Variants in FREM1 observed in about 807,000 individuals in gnomAD.
FREM1 encodes the protein FRAS1-related extracellular matrix protein 1.
FREM1 carries 220 observed loss-of-function variants against 210.1 expected under a neutral mutation model. The observed-to-expected ratio is 1.05, with a 90% CI of 0.94 to 1.17. The LOEUF (loss-of-function observed/expected upper bound fraction) is 1.17, where lower values mean the gene tolerates loss of function less well. Among genes scored for constraint, FREM1 ranks in the 50% most tolerant of loss-of-function variants. The pLI, the probability that FREM1 is intolerant of heterozygous loss-of-function variation, is 0.00. For synonymous variants in FREM1, 1,189 were observed against 980.2 expected, an observed-to-expected ratio of 1.21 and a Z score of -3.98; for missense variants, 3,454 against 2,675.5, an observed-to-expected ratio of 1.29 and a Z score of -6.42.
chr9:14,892,328 G>C (rs4741441), intron 1 of FREM1, among the ~76,000 whole-genome samples: 18,932 of 152,054 alleles, frequency 0.12, 1,488 homozygotes, highest in East Asian at 0.44. Context: ...CTTTGGGTAG[G>C]TGGGGTGCAT....
At chr9:14,738,411 A>G (rs1840801285) in intron 36 of FREM1, among the ~76,000 whole-genome samples, 1 of 152,190 alleles carries the variant, frequency 6.6e-6, no homozygotes, top group African/African-American at 2.4e-5. Flanking sequence ...GGTGGAATGA[A>G]ATGAAATACT....
At chr9:14,882,870 G>A (rs961121458) in intron 1 of FREM1, among the ~76,000 whole-genome samples, 3 of 117,638 alleles carry the variant, frequency 2.6e-5, no homozygotes, top group Admixed American at 1.2e-4. Flanking sequence ...CTGAGATCAT[G>A]CCACTGCACT....
chr9:14,905,894 T>G (rs1337251478), intron 1 of FREM1, among the ~76,000 whole-genome samples: 1 of 118,828 alleles, frequency 8.4e-6, no homozygotes, highest in Non-Finnish European at 2.1e-5. Context: ...CTGTCTCAAA[T>G]TTAAAAAAAG....
chr9:14,780,930 T>G (rs1849560034), intron 24 of FREM1, among the ~76,000 whole-genome samples: 1 of 152,208 alleles, frequency 6.6e-6, no homozygotes. Context: ...ATGACAAGAT[T>G]AAAATTTGGG....
In FREM1 at chr9:14,819,330, C is replaced by T. The variant is rs200495440; in HGVS notation, c.2450G>A (p.Arg817Gln). ...CACCCTTCCGTGCAGAGGCAATTCCCGCAGGGAGAGGTCAATATTGTCCAG... is the reference window on the plus strand; with the variant it reads ...CACCCTTCCGTGCAGAGGCAATTCCTGCAGGGAGAGGTCAATATTGTCCAG... The part of the protein sequence containing the change: ...TKLDNIDLSL[R>Q]ELPLHGRVEL... The change falls in exon 14 of 37, where the codon CGG becomes CAG. Residue 817 changes from arginine to glutamine, a missense_variant. Arg to Gln is a conservative substitution (Grantham distance 43). Transcript: ENST00000380880. 1.5e-4 allele frequency: 237 copies of T among 1,613,760 alleles called. No homozygotes were observed. The highest frequency in any genetic ancestry group is 3.7e-4 in the Admixed American group (22 of 60,002).
At chr9:14,775,542 C>A (rs1003988380) in intron 25 of FREM1, among the ~76,000 whole-genome samples, 1 of 151,704 alleles carries the variant, frequency 6.6e-6, no homozygotes, top group Admixed American at 6.6e-5. Flanking sequence ...CGTGTCTCTA[C>A]TAAAAATGCA....
intron 25 of FREM1, among the ~76,000 whole-genome samples, chr9:14,773,815 A>G (rs891380858): frequency 3.3e-5 from 5 of 152,036 alleles, no homozygotes; most frequent in African/African-American, 4.8e-5. Context: ...CCTCTTTTCC[A>G]TCTGTGCTAT....
chr9:14,762,668 G>A (rs1385718650), intron 27 of FREM1, among the ~76,000 whole-genome samples: 1 of 151,452 alleles, frequency 6.6e-6, no homozygotes, highest in Non-Finnish European at 1.5e-5. Flanking sequence ...TGAAATTTAA[G>A]CCAGGCTATA....
intron 1 of FREM1, among the ~76,000 whole-genome samples, chr9:14,884,938 T>G (rs1211084500): frequency 2.1e-5 from 3 of 142,042 alleles, no homozygotes; most frequent in Non-Finnish European, 4.6e-5. Flanking sequence ...TTTTTTTTTT[T>G]TTTTGAGACG....
chr9:14,767,786 C>T (rs1437047860), intron 27 of FREM1, among the ~76,000 whole-genome samples: 3 of 152,078 alleles, frequency 2.0e-5, no homozygotes, highest in East Asian at 1.9e-4. Context: ...ACCCCCCCAT[C>T]GCTTATAAAG....
rs201283197 is a variant in FREM1 at position 14,839,448 on chromosome 9, TATATG to T, written c.1881+1994_1881+1998del. On this transcript the variant is annotated intron_variant, in intron 10 of 36. Coordinates refer to ENST00000380880, the MANE Select transcript of FREM1 (RefSeq NM_001379081.2). ...TGGATAAACATTTAGGGGCCAAAGATATATGGTAATGAAGAGAGCAAATTTGTAGA... is the reference window on the plus strand; with the variant it reads ...TGGATAAACATTTAGGGGCCAAAGATGTAATGAAGAGAGCAAATTTGTAGA... 4.1e-3 allele frequency among the ~76,000 whole-genome samples: 620 copies of T among 152,336 alleles called. 18 individuals are homozygous for T. The highest frequency in any genetic ancestry group is 0.034 in the Admixed American group (520 of 15,300).
At chr9:14,861,274 T>C (rs1830435593) in intron 3 of FREM1, among the ~76,000 whole-genome samples, 1 of 89,358 alleles carries the variant, frequency 1.1e-5, no homozygotes, top group Non-Finnish European at 1.9e-5. Flanking sequence ...TATACACATA[T>C]ATACATATAT....
intron 20 of FREM1, among the ~76,000 whole-genome samples, chr9:14,798,240 G>A (rs1238038589): frequency 4.6e-5 from 7 of 152,068 alleles, no homozygotes; most frequent in African/African-American, 9.7e-5. Flanking sequence ...TTAATATCAA[G>A]AAACTGAAAA....
intron 1 of FREM1, among the ~76,000 whole-genome samples, chr9:14,905,330 T>C (rs1817504938): frequency 6.6e-6 from 1 of 152,224 alleles, no homozygotes; most frequent in Non-Finnish European, 1.5e-5. Context: ...CCTTTGGTGA[T>C]GGTTCGCAGG....
intron 10 of FREM1, among the ~76,000 whole-genome samples, chr9:14,832,498 T>C (rs1173095866): frequency 1.3e-5 from 2 of 152,130 alleles, no homozygotes; most frequent in Non-Finnish European, 2.9e-5. Flanking sequence ...GAAACACAAT[T>C]CCCAATAGGA....
intron 5 of FREM1, among the ~76,000 whole-genome samples, chr9:14,857,351 A>G (rs1828951818): frequency 6.6e-6 from 1 of 152,162 alleles, no homozygotes; most frequent in African/African-American, 2.4e-5. Flanking sequence ...AGAACCAGAG[A>G]AGGGAAATTT....
chr9:14,873,987 T>A (rs1004806054), intron 1 of FREM1, among the ~76,000 whole-genome samples: 2 of 152,178 alleles, frequency 1.3e-5, no homozygotes, highest in African/African-American at 4.8e-5. Context: ...TTTGAGTGAG[T>A]TTCTTAATCC....
At position 14,823,332 on chromosome 9, in the gene FREM1, A is replaced by C. The variant is rs1050908594; in HGVS notation, c.2170-5T>G. 3.1e-6 allele frequency: 5 copies of C among 1,611,958 alleles called. No individual in the cohort carries two copies. Among genetic ancestry groups the C allele is most frequent in the Non-Finnish European group, 4.2e-6 (5 of 1,178,674 alleles). On this transcript the variant is annotated splice_polypyrimidine_tract_variant and splice_region_variant and intron_variant, in intron 12 of 36. Transcript: ENST00000380880. ...TTTCATATAGTTCACAGCATGCTGC[A>C]AAGTAAGTTGAGATGGATATGTGGG... is the stretch of plus-strand genomic sequence containing the variant.
At chr9:14,768,346 T>C (rs1256536572) in intron 27 of FREM1, among the ~76,000 whole-genome samples, 1 of 150,490 alleles carries the variant, frequency 6.6e-6, no homozygotes, top group Non-Finnish European at 1.5e-5. Context: ...TACATTTTCT[T>C]GAGAATTGGA....
Sources: allele counts gnomAD v4.1 joint callset (sites outside exome capture counted in the v4.1 genomes callset), GRCh38; gene constraint gnomAD v4.1.1; transcripts MANE v1.5; gene names NCBI Gene and HGNC (gene_info 2026-07-23, HGNC 2026-07-21).